Variants in SAG observed in about 807,000 individuals in gnomAD.
SAG encodes S-antigen visual arrestin.
A neutral mutation model predicts 55.0 loss-of-function variants in SAG; 45 were observed. The observed-to-expected ratio is 0.82, with a 90% confidence interval of 0.64 to 1.05. SAG has a LOEUF of 1.05. Ranked by LOEUF, SAG falls within the 50% of genes least tolerant of loss-of-function variation. The pLI is 0.00. For missense variants in SAG, 455 were observed against 512.1 expected, an observed-to-expected ratio of 0.89 and a Z score of 1.08; for synonymous variants, 189 against 197.4, an observed-to-expected ratio of 0.96 and a Z score of 0.36.
At chr2:233,337,483 C>G (rs1700970658) in intron 11 of SAG, among the ~76,000 whole-genome samples, 1 of 152,162 alleles carries the variant, frequency 6.6e-6, no homozygotes, top group Non-Finnish European at 1.5e-5. Context: ...AAGCGATCTG[C>G]CCGCCTCCGT....
intron 11 of SAG, among the ~76,000 whole-genome samples, chr2:233,336,082 C>T (rs1466293787): frequency 1.3e-5 from 2 of 152,222 alleles, no homozygotes; most frequent in African/African-American, 2.4e-5. Context: ...AAAGCACATT[C>T]GTGAAGCTCC....
At chr2:233,314,056 C>CA (rs1482030274) in intron 2 of SAG, among the ~76,000 whole-genome samples, 3 of 151,282 alleles carry the variant, frequency 2.0e-5, no homozygotes, top group Non-Finnish European at 4.4e-5. Context: ...CCTGTCTCTA[C>CA]AAAAAAATAT....
Position 233,328,484 on chromosome 2 carries a change from C to T in SAG, c.519C>T (p.Ser173=), listed in dbSNP as rs771893652. The T allele has an allele frequency of 1.1e-5, 17 of 1,612,530 alleles. No homozygotes were observed. The highest frequency in any genetic ancestry group is 5.3e-5 in the African/African-American group (4 of 74,912). The change falls in exon 8 of 16, where the codon TCC becomes TCT. Residue 173 remains serine (S), a synonymous_variant. Transcript: ENST00000409110. ...CTGTGGCTGTTTCCCACAGGAGCTCCGTGCGATTACTGATCCGCAAAGTAC... is the reference window on the plus strand; with the variant it reads ...CTGTGGCTGTTTCCCACAGGAGCTCTGTGCGATTACTGATCCGCAAAGTAC... ...AEEDKIPKKS[S]VRLLIRKVQH...
chr2:233,315,097 G>A (rs1338200058), intron 2 of SAG, among the ~76,000 whole-genome samples: 1 of 152,162 alleles, frequency 6.6e-6, no homozygotes, highest in African/African-American at 2.4e-5. Context: ...TCTCCCATAA[G>A]TGGGTAGAGA....
At chr2:233,338,903 G>C in intron 12 of SAG, 150 bp downstream of exon 12, 1 of 733,770 alleles carries the variant, frequency 1.4e-6, no homozygotes, top group Non-Finnish European at 2.5e-6. Context: ...GAGAGATTCT[G>C]TTTGTCTAGT....
chr2:233,321,108 C>T (rs759003207), intron 5 of SAG, among the ~76,000 whole-genome samples: 1 of 152,140 alleles, frequency 6.6e-6, no homozygotes, highest in East Asian at 1.9e-4. Flanking sequence ...TTGCTAAGCT[C>T]GAAAAAGAAA....
intron 8 of SAG, 27 bp downstream of exon 8, chr2:233,328,640 G>A (rs372527059): frequency 1.2e-5 from 19 of 1,586,946 alleles, no homozygotes; most frequent in South Asian, 2.3e-5. Flanking sequence ...GCTACTACCC[G>A]CAGGGCAGCA....
intron 10 of SAG, chr2:233,333,375 C>A (rs1419134499): frequency 6.6e-6 from 1 of 152,198 alleles, no homozygotes; most frequent in Non-Finnish European, 1.5e-5. Flanking sequence ...ATCACCTGGT[C>A]CTCTTTCAAA....
chr2:233,343,818 A>G, intron 14 of SAG: 4 of 960,228 alleles, frequency 4.2e-6, no homozygotes, highest in Non-Finnish European at 5.1e-6. Context: ...TTTTTCTCAT[A>G]CTTTACAAAT....
chr2:233,308,594 C>CT (rs199714586), intron 1 of SAG, among the ~76,000 whole-genome samples: 33 of 151,364 alleles, frequency 2.2e-4, no homozygotes, highest in African/African-American at 5.8e-4. Context: ...TTAATATATT[C>CT]TTTTTTTTTA....
chr2:233,329,738 C>T (rs1343727659), intron 9 of SAG, among the ~76,000 whole-genome samples, 161 bp downstream of exon 9: 4 of 152,206 alleles, frequency 2.6e-5, no homozygotes, highest in Non-Finnish European at 4.4e-5. Context: ...GGGAGAAAGG[C>T]CTTACAAGTT....
At chr2:233,321,363 C>CCCCCAAA (rs1553613293) in intron 5 of SAG, among the ~76,000 whole-genome samples, 1 of 152,174 alleles carries the variant, frequency 6.6e-6, no homozygotes, top group Non-Finnish European at 1.5e-5. Context: ...CTACCATCTG[C>CCCCCAAA]TTTACGAGCA....
At position 233,328,448 on chromosome 2, in the gene SAG, C is replaced by A. The variant is rs764544155; in HGVS notation, c.513-30C>A. On this transcript the variant is annotated intron_variant, in intron 7 of 15. Transcript: ENST00000409110. ...TCCCTAAAGCGGCCTGGGTGCCAATCCCTGGCTTGTCTGTGGCTGTTTCCC... is the reference window on the plus strand; with the variant it reads ...TCCCTAAAGCGGCCTGGGTGCCAATACCTGGCTTGTCTGTGGCTGTTTCCC... 34 of 1,605,736 alleles carry A rather than the reference C, an allele frequency of 2.1e-5. No individual in the cohort carries two copies. The South Asian group carries it at 2.9e-4, about 14-fold the overall frequency.
chr2:233,328,732 C>G, intron 8 of SAG, 119 bp downstream of exon 8: 1 of 1,162,324 alleles, frequency 8.6e-7, no homozygotes, highest in Non-Finnish European at 1.2e-6. Flanking sequence ...AAGCTTGTTT[C>G]TAGGATAAAG....
intron 7 of SAG, chr2:233,327,613 G>A: frequency 6.4e-6 from 1 of 156,312 alleles, no homozygotes; most frequent in Non-Finnish European, 1.4e-5. Context: ...TGTGACCTCG[G>A]CTCACTGCAA....
At chr2:233,328,741 A>G (rs12997325) in intron 8 of SAG, 128 bp downstream of exon 8, 494,547 of 1,036,166 alleles carry the variant, frequency 0.48, 123,006 homozygotes, top group South Asian at 0.56. Context: ...TCTAGGATAA[A>G]GCACCAACAT....
chr2:233,313,471 A>T (rs1238635639), intron 2 of SAG, among the ~76,000 whole-genome samples: 1 of 151,982 alleles, frequency 6.6e-6, no homozygotes, highest in Non-Finnish European at 1.5e-5. Flanking sequence ...GGTCATAGTT[A>T]CCATTCCTGC....
intron 6 of SAG, 87 bp from the exon 7 acceptor site, chr2:233,327,034 T>G: frequency 1.1e-6 from 1 of 946,152 alleles, no homozygotes; most frequent in South Asian, 1.3e-5. Flanking sequence ...TGCCACATCA[T>G]GTGCCCTGTG....
chr2:233,316,192 C>T (rs1222823449), intron 3 of SAG, 57 bp downstream of exon 3: 16 of 1,015,558 alleles, frequency 1.6e-5, no homozygotes, highest in Admixed American at 6.1e-5. Context: ...CAGATAACCG[C>T]TCACTTTGTG....
Sources: allele counts gnomAD v4.1 joint callset (sites outside exome capture counted in the v4.1 genomes callset), GRCh38; gene constraint gnomAD v4.1.1; transcripts MANE v1.5; gene names NCBI Gene and HGNC (gene_info 2026-07-23, HGNC 2026-07-21).